Variants in EFR3A observed in about 807,000 individuals in gnomAD.
The protein encoded by EFR3A is EFR3 homolog A.
A neutral mutation model predicts 104.4 loss-of-function variants in EFR3A; 76 were observed. The ratio of observed to expected loss-of-function variants is 0.73; its 90% CI spans 0.60 to 0.88. The LOEUF is 0.88. Ranked by LOEUF, EFR3A falls within the 40% of genes least tolerant of loss-of-function variation. The pLI, the probability that EFR3A is intolerant of heterozygous loss-of-function variation, is 0.00. For synonymous variants in EFR3A, 330 were observed against 330.0 expected, an observed-to-expected ratio of 1.00 and a Z score of 0.00; for missense variants, 985 against 1,012.5, an observed-to-expected ratio of 0.97 and a Z score of 0.37.
At chr8:131,972,800 G>T (rs951745680) in intron 10 of EFR3A, among the ~76,000 whole-genome samples, 5 of 151,896 alleles carry the variant, frequency 3.3e-5, no homozygotes, top group African/African-American at 9.7e-5. Flanking sequence ...TTTTATCTGG[G>T]TAATTTTTTC....
intron 1 of EFR3A, among the ~76,000 whole-genome samples, chr8:131,930,542 C>T (rs1817543422): frequency 6.6e-6 from 1 of 151,744 alleles, no homozygotes; most frequent in African/African-American, 2.4e-5. Flanking sequence ...ATGATAATTT[C>T]ACTTTTCCTT....
intron 9 of EFR3A, among the ~76,000 whole-genome samples, chr8:131,969,325 G>A (rs10097789): frequency 0.15 from 23,317 of 151,874 alleles, 2,285 homozygotes; most frequent in East Asian, 0.34. Context: ...TATCTGCAGG[G>A]GATTGGTTCG....
At chr8:131,938,159 C>T (rs1817999432) in intron 1 of EFR3A, 1 of 396,144 alleles carries the variant, frequency 2.5e-6, no homozygotes. Flanking sequence ...GAACTAGGCA[C>T]TTGCTGAACA....
intron 1 of EFR3A, among the ~76,000 whole-genome samples, chr8:131,939,098 G>C (rs1818042540): frequency 1.3e-5 from 2 of 152,054 alleles, no homozygotes; most frequent in African/African-American, 2.4e-5. Context: ...TACCCTGATT[G>C]TAATACTCCT....
At chr8:131,962,732 A>G (rs976231852) in intron 8 of EFR3A, among the ~76,000 whole-genome samples, 1 of 152,242 alleles carries the variant, frequency 6.6e-6, no homozygotes, top group African/African-American at 2.4e-5. Flanking sequence ...ATAGACATCT[A>G]CAAAACTCTC....
rs181153256 is a variant in EFR3A, at chr8:131,960,716, A to G, written c.855+1053A>G. Among the ~76,000 whole-genome samples the G allele has an allele frequency of 7.9e-4, 120 of 152,346 alleles. 2 individuals carry two copies. Among genetic ancestry groups the G allele is most frequent in the Admixed American group, 4.4e-3 (67 of 15,300 alleles). On this transcript the variant is annotated intron_variant, in intron 8 of 22. Coordinates refer to ENST00000254624, the MANE Select transcript of EFR3A (RefSeq NM_015137.6). Reference sequence around the variant, plus strand: ...AGGATTTATATCCTTAAGGGTTTACATAGTTTCAAATATAGTAAGGCATTT... The same window carrying G: ...AGGATTTATATCCTTAAGGGTTTACGTAGTTTCAAATATAGTAAGGCATTT...
At position 131,963,597 on chromosome 8, in the gene EFR3A, A is replaced by C. The variant is rs555885299; in HGVS notation, c.855+3934A>C. Among the ~76,000 whole-genome samples, 283 of 152,322 alleles carry C rather than the reference A, an allele frequency of 1.9e-3. 2 individuals carry two copies. Among genetic ancestry groups the C allele is most frequent in the African/African-American group, 6.5e-3 (271 of 41,578 alleles). On this transcript the variant is annotated intron_variant, in intron 8 of 22. Transcript: ENST00000254624. ...ATAATTAATAGCTTACCAACCAAAAAAAGTCCAGGACCAGGTGGATTCACA... is the reference window on the plus strand; with the variant it reads ...ATAATTAATAGCTTACCAACCAAAACAAGTCCAGGACCAGGTGGATTCACA...
At chr8:131,996,240 T>C (rs570617648) in intron 18 of EFR3A, 166 bp from the exon 19 acceptor site, 59 of 457,514 alleles carry the variant, frequency 1.3e-4, no homozygotes, top group African/African-American at 9.4e-4. Flanking sequence ...CTTCACGAAA[T>C]GTAAAAGTCC....
intron 4 of EFR3A, among the ~76,000 whole-genome samples, chr8:131,949,628 A>AC (rs1217674921): frequency 1.4e-4 from 21 of 152,012 alleles, no homozygotes; most frequent in African/African-American, 5.1e-4. Flanking sequence ...ACATAGCAAG[A>AC]CCCCCATTGT....
intron 5 of EFR3A, among the ~76,000 whole-genome samples, chr8:131,953,182 G>A (rs1444317557): frequency 6.6e-6 from 1 of 152,036 alleles, no homozygotes; most frequent in African/African-American, 2.4e-5. Flanking sequence ...GATCTGGGAT[G>A]GGAGGATAAG....
intron 14 of EFR3A, among the ~76,000 whole-genome samples, chr8:131,979,760 G>A (rs1249981055): frequency 1.3e-5 from 2 of 152,198 alleles, no homozygotes; most frequent in East Asian, 1.9e-4. Flanking sequence ...ACAGCTTCAA[G>A]TTTCTGAAAA....
At chr8:131,943,813 G>C (rs2130570724) in intron 2 of EFR3A, among the ~76,000 whole-genome samples, 1 of 152,096 alleles carries the variant, frequency 6.6e-6, no homozygotes, top group African/African-American at 2.4e-5. Context: ...GAGAAAGCAG[G>C]GATGTTTTGC....
intron 1 of EFR3A, among the ~76,000 whole-genome samples, chr8:131,930,966 A>G (rs377242920): frequency 6.6e-6 from 1 of 152,188 alleles, no homozygotes; most frequent in Admixed American, 6.5e-5. Context: ...CCTGAAGTAC[A>G]CAATAAGAAA....
intron 1 of EFR3A, among the ~76,000 whole-genome samples, chr8:131,931,756 A>G (rs1390825012): frequency 6.6e-6 from 1 of 151,950 alleles, no homozygotes; most frequent in African/African-American, 2.4e-5. Flanking sequence ...ACCAGCTAAC[A>G]TCTTAGGGTT....
At chr8:132,003,580 A>T (rs770518320) in intron 22 of EFR3A, among the ~76,000 whole-genome samples, 1 of 152,206 alleles carries the variant, frequency 6.6e-6, no homozygotes. Context: ...AAAAAGACCC[A>T]TATTCTAATA....
intron 14 of EFR3A, among the ~76,000 whole-genome samples, chr8:131,980,664 A>G (rs1820562622): frequency 1.3e-5 from 2 of 152,106 alleles, no homozygotes; most frequent in African/African-American, 4.8e-5. Context: ...TTTTATGGTG[A>G]CATACTTGAA....
chr8:131,969,998 A>C lies in EFR3A; in HGVS notation c.992-478A>C, dbSNP rs1224891149. Among the ~76,000 whole-genome samples the C allele has an allele frequency of 2.6e-5, 4 of 152,354 alleles. No individual in the cohort carries two copies. In the South Asian group the frequency reaches 8.3e-4, roughly 32 times the overall value. On this transcript the variant is annotated intron_variant, in intron 9 of 22. Coordinates refer to ENST00000254624, the MANE Select transcript of EFR3A (RefSeq NM_015137.6). Reference sequence around the variant, plus strand: ...GCGAGAACAAATGCAGTTAACCTGAATCTAATAAATTTGGTAGTTTCTGTC... The same window carrying C: ...GCGAGAACAAATGCAGTTAACCTGACTCTAATAAATTTGGTAGTTTCTGTC...
chr8:132,001,781 CTT>C lies in EFR3A; in HGVS notation c.2183_2184del (p.Phe728Ter). The C allele has an allele frequency of 6.2e-7, 1 of 1,613,348 alleles. No homozygotes were observed. Among genetic ancestry groups the C allele is most frequent in the Non-Finnish European group, 8.5e-7 (1 of 1,179,512 alleles). On this transcript the variant is annotated frameshift_variant, in exon 20 of 23. Transcript: ENST00000254624. LOFTEE classifies it high-confidence loss of function. ...TAGGTTAGTAACACTGAAGAAATCA[CTT>C]TTGAAGCATTGAAGAAAGCAATTGG...
chr8:131,981,021 T>TTA (rs762282805), intron 14 of EFR3A, among the ~76,000 whole-genome samples: 24,823 of 125,628 alleles, frequency 0.2, 2,137 homozygotes, highest in Middle Eastern at 0.34. Flanking sequence ...GTATTTCATT[T>TTA]TATATATATA....
Sources: allele counts gnomAD v4.1 joint callset (sites outside exome capture counted in the v4.1 genomes callset), GRCh38; gene constraint gnomAD v4.1.1; transcripts MANE v1.5; gene names NCBI Gene and HGNC (gene_info 2026-07-23, HGNC 2026-07-21).